Variants in GCN1 observed in about 807,000 individuals in gnomAD.
GCN1 encodes the protein stalled ribosome sensor GCN1.
GCN1 carries 90 observed loss-of-function variants against 288.4 expected under a neutral mutation model. The ratio of observed to expected loss-of-function variants is 0.31; its 90% CI spans 0.26 to 0.37. GCN1 has a LOEUF of 0.37. GCN1 is among the 10% of genes least tolerant of loss of function. GCN1 has a pLI of 1.00. For missense variants in GCN1, 2,586 were observed against 3,419.9 expected, an observed-to-expected ratio of 0.76 and a Z score of 6.08; for synonymous variants, 1,386 against 1,420.2, an observed-to-expected ratio of 0.98 and a Z score of 0.54.
chr12:120,175,335 G>T, intron 11 of GCN1, 123 bp from the exon 12 acceptor site: 1 of 917,178 alleles, frequency 1.1e-6, no homozygotes, highest in Non-Finnish European at 1.7e-6. Flanking sequence ...CCTTTGTGTT[G>T]TGAAGCTGGG....
intron 14 of GCN1, 47 bp from the exon 15 acceptor site, chr12:120,170,368 A>G: frequency 6.4e-7 from 1 of 1,573,122 alleles, no homozygotes. Context: ...GATCCTTGGA[A>G]ATGACAGGAC....
intron 11 of GCN1, 72 bp from the exon 12 acceptor site, chr12:120,175,284 C>T (rs1405113841): frequency 5.4e-6 from 7 of 1,300,334 alleles, no homozygotes; most frequent in East Asian, 4.6e-5. Flanking sequence ...AATGCAGTCA[C>T]GTGTGTGATG....
chr12:120,165,845 A>G (rs144840114), intron 16 of GCN1, among the ~76,000 whole-genome samples: 3,815 of 149,920 alleles, frequency 0.025, 165 homozygotes, highest in African/African-American at 0.087. Context: ...AGGCTGGAAT[A>G]CAATGGTGCA....
chr12:120,134,197 G>C lies in GCN1; in HGVS notation c.7317+94C>G, dbSNP rs1328958314. 1 of 785,506 alleles carries C rather than the reference G, an allele frequency of 1.3e-6. No homozygotes were observed. Among genetic ancestry groups the C allele is most frequent in the East Asian group, 2.5e-5 (1 of 40,460 alleles). 48.7% of individuals were successfully genotyped at this position (785,506 alleles called of 1,614,324 possible). ...CAGGAATGCTTATTACTACTGAGCT[G>C]TACTGGTTCTAACACAAAGTGAAGA... On this transcript the variant is annotated intron_variant, in intron 53 of 57. Transcript: ENST00000300648. The surrounding 1 kb of genome is among the most constrained non-coding windows in gnomAD (Gnocchi z 5.0).
At chr12:120,148,954 G>A (rs1233879919) in intron 36 of GCN1, among the ~76,000 whole-genome samples, 3 of 151,896 alleles carry the variant, frequency 2.0e-5, no homozygotes, top group Non-Finnish European at 4.4e-5. Context: ...TGAGTAGCTG[G>A]GACTACAGGC....
Position 120,158,483 on chromosome 12 carries a change from C to T in GCN1, c.2882G>A (p.Ser961Asn). Residue 961 changes from serine to asparagine, a missense_variant, in exon 25 of 58, where the codon AGC (serine) becomes AAC (asparagine). Ser to Asn is a conservative substitution (Grantham distance 46). This residue lies in a region of GCN1 where 153 missense variants were observed against 252.0 expected (regional missense o/e 0.61). Transcript: ENST00000300648. The surrounding 1 kb of genome is among the most constrained non-coding windows in gnomAD (Gnocchi z 4.3). ...ACCTGGCTCCCCCTTGCCCACCCTG[C>T]TGGTGATGGTGTGGGTGTGCAGCAG... ...VMLLHTHTIT[S>N]RVGKGEPGAA... The T allele has an allele frequency of 1.9e-6, 3 of 1,557,028 alleles. No individual in the cohort carries two copies. The highest frequency in any genetic ancestry group is 2.6e-6 in the Non-Finnish European group (3 of 1,149,968).
Position 120,134,858 on chromosome 12 carries a change from G to A in GCN1, c.7009-132C>T. ...CAGCTCTCATACAGGGCTGGGGACA[G>A]ATAGCCCGTCAGAGAGGCCAAACAC... On this transcript the variant is annotated intron_variant, in intron 51 of 57. Transcript: ENST00000300648. The surrounding 1 kb of genome is among the most constrained non-coding windows in gnomAD (Gnocchi z 5.0). The A allele has an allele frequency of 2.7e-6, 2 of 740,954 alleles. No homozygotes were observed. The highest frequency in any genetic ancestry group is 4.5e-6 in the Non-Finnish European group (2 of 443,026). 45.9% of individuals were successfully genotyped at this position (740,954 alleles called of 1,614,324 possible).
intron 14 of GCN1, among the ~76,000 whole-genome samples, chr12:120,172,709 A>G (rs1341770481): frequency 6.6e-6 from 1 of 152,074 alleles, no homozygotes; most frequent in Admixed American, 6.5e-5. Context: ...AGGTTACACC[A>G]TGTTGGCCAG....
In GCN1 at chr12:120,161,914, C is replaced by G; in HGVS notation, c.2308G>C (p.Ala770Pro). Residue 770 changes from alanine (A) to proline (P), a missense_variant, in exon 21 of 58, where the codon GCT becomes CCT. Around this residue, in one of 8 missense-constraint regions of GCN1, gnomAD observed 913 missense variants for 1,107.0 expected, o/e 0.82. Coordinates refer to ENST00000300648, the MANE Select transcript of GCN1 (RefSeq NM_006836.2). ...REEFAIMQTP[A>P]GELYDKSIIQ... ...ATGGATTTGTCATACAGCTCCCCAG[C>G]AGGGGTCTGCATAATGGCAAACTCC... 1 of 1,614,136 alleles carries G rather than the reference C, an allele frequency of 6.2e-7. No individual in the cohort carries two copies. The highest frequency in any genetic ancestry group is 8.5e-7 in the Non-Finnish European group (1 of 1,180,030).
rs966269832 is a variant in GCN1, at chr12:120,194,654, G to C, written c.18+26C>G. 6 of 1,513,618 alleles carry C rather than the reference G, an allele frequency of 4.0e-6. No individual in the cohort carries two copies. In the African/African-American group the frequency reaches 8.6e-5, roughly 22 times the overall value. 93.8% of individuals were successfully genotyped at this position (1,513,618 alleles called of 1,614,324 possible). A position where few individuals can be genotyped will look rare whatever the true frequency, so the allele number is the denominator to read the frequency against. On this transcript the variant is annotated intron_variant, in intron 1 of 57. Coordinates refer to ENST00000300648, the MANE Select transcript of GCN1 (RefSeq NM_006836.2). ...CCGTCCGCACCCAGTCCCTGGCCGC[G>C]TTGGCCCCGCAGCCGCCCGCCTCAC...
At position 120,134,557 on chromosome 12, in the gene GCN1, C is replaced by A; in HGVS notation, c.7178G>T (p.Arg2393Leu). The change falls in exon 52 of 58, where the codon CGC becomes CTC. Residue 2393 changes from arginine to leucine, a missense_variant. By Grantham distance (102) the Arg-to-Leu change is moderately radical. Around this residue, in one of 8 missense-constraint regions of GCN1, gnomAD observed 355 missense variants for 431.1 expected, o/e 0.82. Coordinates refer to ENST00000300648, the MANE Select transcript of GCN1 (RefSeq NM_006836.2). This position sits in a 1 kb window ranked among gnomAD's most constrained non-coding sequence, Gnocchi z 5.0. ...PLFTELLNGI[R>L]AMEDPGVRDT... Reference sequence around the variant, plus strand: ...CCTGACACCTGGGTCCTCCATGGCGCGGATGCCATTGAGCAGCTCTGTGAA... The same window carrying A: ...CCTGACACCTGGGTCCTCCATGGCGAGGATGCCATTGAGCAGCTCTGTGAA... 1.1e-5 allele frequency: 17 copies of A among 1,614,048 alleles called. No individual in the cohort carries two copies. Among genetic ancestry groups the A allele is most frequent in the Non-Finnish European group, 1.4e-5 (17 of 1,179,910 alleles).
chr12:120,148,453 G>T, intron 36 of GCN1, 107 bp from the exon 37 acceptor site: 1 of 901,884 alleles, frequency 1.1e-6, no homozygotes, highest in Non-Finnish European at 1.7e-6. Context: ...CCCTGCAGAC[G>T]GTGCTCAAGC....
intron 5 of GCN1, among the ~76,000 whole-genome samples, chr12:120,179,397 A>ATT (rs1224651602): frequency 2.5e-4 from 32 of 127,168 alleles, no homozygotes; most frequent in Non-Finnish European, 3.2e-4. Context: ...TGCCCAGCTA[A>ATT]TTTTTTTTTT....
chr12:120,177,812 A>G, intron 7 of GCN1, 60 bp from the exon 8 acceptor site: 2 of 1,216,890 alleles, frequency 1.6e-6, no homozygotes, highest in Non-Finnish European at 1.2e-6. Flanking sequence ...TCACTGGCCT[A>G]AGGGGTCCCT....
At chr12:120,182,069 A>G (rs1323380514) in intron 5 of GCN1, among the ~76,000 whole-genome samples, 1 of 151,406 alleles carries the variant, frequency 6.6e-6, no homozygotes, top group Non-Finnish European at 1.5e-5. Flanking sequence ...GAATTGCTTG[A>G]GCCTGGGAGG....
chr12:120,187,079 G>T (rs1369189286), intron 2 of GCN1, among the ~76,000 whole-genome samples: 3 of 152,182 alleles, frequency 2.0e-5, no homozygotes. Flanking sequence ...CTCACAAATA[G>T]CAAGTTTACA....
chr12:120,149,498 C>T, intron 36 of GCN1, 108 bp downstream of exon 36: 2 of 762,910 alleles, frequency 2.6e-6, no homozygotes, highest in East Asian at 2.5e-5. Context: ...TAACCCTATC[C>T]CTGGTCTGGG....
At chr12:120,172,562 T>G (rs373973687) in intron 14 of GCN1, among the ~76,000 whole-genome samples, 7 of 152,076 alleles carry the variant, frequency 4.6e-5, no homozygotes. Flanking sequence ...CAGGCAGGAG[T>G]GCAATGGCTT....
At position 120,153,694 on chromosome 12, in the gene GCN1, T is replaced by C. The variant is rs1306101566; in HGVS notation, c.3867+50A>G. The C allele has an allele frequency of 6.4e-7, 1 of 1,569,108 alleles. No individual in the cohort carries two copies. The highest frequency in any genetic ancestry group is 1.1e-5 in the South Asian group (1 of 87,886). On this transcript the variant is annotated intron_variant, in intron 32 of 57. Coordinates refer to ENST00000300648, the MANE Select transcript of GCN1 (RefSeq NM_006836.2). The surrounding 1 kb of genome is among the most constrained non-coding windows in gnomAD (Gnocchi z 4.4). ...TGCCTCCCGTGTCTCCTTAGCGGGC[T>C]GGGACCCCCTTACCTTCCCGTGGGT... is the stretch of plus-strand genomic sequence containing the variant.
Sources: allele counts gnomAD v4.1 joint callset (sites outside exome capture counted in the v4.1 genomes callset), GRCh38; gene constraint gnomAD v4.1.1; regional missense constraint gnomAD v4.1.1; non-coding constraint Gnocchi (gnomAD v3.1); transcripts MANE v1.5; gene names NCBI Gene and HGNC (gene_info 2026-07-23, HGNC 2026-07-21).